DENND1A: variants seen among roughly 807,000 people sequenced by gnomAD.
DENND1A encodes DENN domain-containing protein 1A.
DENND1A carries 51 observed loss-of-function variants against 113.7 expected under a neutral mutation model. That is an observed-to-expected ratio of 0.45 (90% CI 0.36 to 0.57). The LOEUF (loss-of-function observed/expected upper bound fraction) is 0.57, where lower values mean the gene tolerates loss of function less well. Ranked by LOEUF, DENND1A falls within the 20% of genes least tolerant of loss-of-function variation. DENND1A has a pLI of 0.00. For missense variants in DENND1A, 1,258 were observed against 1,395.9 expected, an observed-to-expected ratio of 0.90 and a Z score of 1.57; for synonymous variants, 565 against 570.8, an observed-to-expected ratio of 0.99 and a Z score of 0.14.
chr9:123,473,803 T>C (rs2049649760), intron 13 of DENND1A, among the ~76,000 whole-genome samples: 1 of 152,002 alleles, frequency 6.6e-6, no homozygotes. Flanking sequence ...TAAAAGTCCC[T>C]AAATCTCCGT....
intron 10 of DENND1A, among the ~76,000 whole-genome samples, chr9:123,621,175 G>C (rs2060941909): frequency 6.7e-6 from 1 of 149,346 alleles, no homozygotes; most frequent in African/African-American, 2.5e-5. Context: ...AAAAAATTCA[G>C]TTGAAATTCT....
intron 7 of DENND1A, among the ~76,000 whole-genome samples, chr9:123,668,850 A>G (rs988438532): frequency 1.3e-5 from 2 of 152,222 alleles, no homozygotes; most frequent in Non-Finnish European, 2.9e-5. Context: ...GAGGATTAAA[A>G]CAGGAAAAGT....
At chr9:123,414,948 T>C (rs2044603600) in intron 19 of DENND1A, among the ~76,000 whole-genome samples, 1 of 152,250 alleles carries the variant, frequency 6.6e-6, no homozygotes, top group Admixed American at 6.5e-5. Context: ...TTAAACTTCC[T>C]GGCACATGTA....
rs139621248 is a variant in DENND1A, at chr9:123,618,141, C to T, written c.720-8660G>A. Among the ~76,000 whole-genome samples, 129 of 152,322 alleles carry T rather than the reference C, an allele frequency of 8.5e-4. No individual in the cohort carries two copies. The Middle Eastern group carries it at 0.014, about 16-fold the overall frequency. ...TATGCTGGTGCTGCACATACTGTCC[C>T]TGGTGCCAGCACCTGAAAAAGGCAG... On this transcript the variant is annotated intron_variant, in intron 10 of 23. Coordinates refer to ENST00000394215, the MANE Select transcript of DENND1A (RefSeq NM_001352964.2).
intron 3 of DENND1A, among the ~76,000 whole-genome samples, chr9:123,778,758 C>G (rs953629415): frequency 6.6e-6 from 1 of 151,964 alleles, no homozygotes; most frequent in East Asian, 1.9e-4. Flanking sequence ...TCTGCCAAAC[C>G]CGATCTAGAG....
In DENND1A at chr9:123,461,224, C is replaced by G. The variant is rs530814510; in HGVS notation, c.994-3327G>C. Among the ~76,000 whole-genome samples the G allele has an allele frequency of 1.1e-4, 16 of 152,288 alleles. No homozygotes were observed. The South Asian group carries it at 3.3e-3, about 32-fold the overall frequency. On this transcript the variant is annotated intron_variant, in intron 13 of 23. Transcript: ENST00000394215. Reference sequence around the variant, plus strand: ...AGGCCTCTGAGTGGCAGTCACTCATCCCAGTGCCGTGTGCACTCCTGGGTG... The same window carrying G: ...AGGCCTCTGAGTGGCAGTCACTCATGCCAGTGCCGTGTGCACTCCTGGGTG...
At chr9:123,787,735 T>G (rs539813575) in intron 3 of DENND1A, among the ~76,000 whole-genome samples, 1 of 152,144 alleles carries the variant, frequency 6.6e-6, no homozygotes, top group Admixed American at 6.6e-5. Context: ...TAACTGCCTA[T>G]AGTGAAATTT....
chr9:123,455,619 G>C (rs2132849874), intron 15 of DENND1A, among the ~76,000 whole-genome samples: 1 of 152,314 alleles, frequency 6.6e-6, no homozygotes. Flanking sequence ...ACTGTGAGGG[G>C]CACCAGAACA....
intron 19 of DENND1A, among the ~76,000 whole-genome samples, chr9:123,436,916 T>G (rs1002322791): frequency 1.3e-5 from 2 of 152,014 alleles, no homozygotes; most frequent in African/African-American, 4.8e-5. Flanking sequence ...CCCGGCCAAT[T>G]TTTGTATTTT....
At chr9:123,508,517 A>G (rs2053166233) in intron 13 of DENND1A, among the ~76,000 whole-genome samples, 1 of 152,202 alleles carries the variant, frequency 6.6e-6, no homozygotes, top group Admixed American at 6.5e-5. Context: ...ACTTTTCTTT[A>G]CAATTTTCTT....
At chr9:123,603,183 G>C (rs2060005859) in intron 11 of DENND1A, among the ~76,000 whole-genome samples, 1 of 152,126 alleles carries the variant, frequency 6.6e-6, no homozygotes, top group South Asian at 2.1e-4. Flanking sequence ...AACAAAGCAT[G>C]AAAGACTTTC....
chr9:123,608,970 A>G (rs549011964), intron 11 of DENND1A, among the ~76,000 whole-genome samples: 4 of 152,212 alleles, frequency 2.6e-5, no homozygotes, highest in Non-Finnish European at 5.9e-5. Context: ...TTTAGAGACT[A>G]AAGACCAAGA....
At chr9:123,686,247 G>A (rs536492050) in intron 5 of DENND1A, among the ~76,000 whole-genome samples, 56 of 152,284 alleles carry the variant, frequency 3.7e-4, no homozygotes, top group South Asian at 1.7e-3. Flanking sequence ...AAATTGAGTC[G>A]TAGAGAAATG....
chr9:123,881,286 C>A (rs1848280808), intron 1 of DENND1A, among the ~76,000 whole-genome samples: 1 of 152,062 alleles, frequency 6.6e-6, no homozygotes, highest in Non-Finnish European at 1.5e-5. Flanking sequence ...CATATGGGAC[C>A]AAATATTTGT....
chr9:123,454,611 A>T, intron 16 of DENND1A, 128 bp downstream of exon 16: 1 of 958,028 alleles, frequency 1.0e-6, no homozygotes. Flanking sequence ...GCCTGGCTTT[A>T]CAAACAAAGG....
chr9:123,635,546 A>C (rs2061662298), intron 9 of DENND1A, among the ~76,000 whole-genome samples: 2 of 152,242 alleles, frequency 1.3e-5, no homozygotes, highest in Admixed American at 6.5e-5. Context: ...ATACCTGCTG[A>C]CATTGTTAAA....
At chr9:123,925,165 A>G (rs1856884762) in intron 1 of DENND1A, among the ~76,000 whole-genome samples, 1 of 152,102 alleles carries the variant, frequency 6.6e-6, no homozygotes, top group Non-Finnish European at 1.5e-5. Flanking sequence ...CGTAATTCCC[A>G]ATGTCTAACA....
At chr9:123,474,417 A>C (rs1391557887) in intron 13 of DENND1A, among the ~76,000 whole-genome samples, 2 of 152,308 alleles carry the variant, frequency 1.3e-5, no homozygotes, top group East Asian at 3.9e-4. Context: ...CTGGGATAAA[A>C]ATTTTTAAGC....
intron 21 of DENND1A, chr9:123,400,410 G>C (rs1053436589): frequency 6.6e-5 from 10 of 152,266 alleles, no homozygotes; most frequent in African/African-American, 2.4e-4. Flanking sequence ...CGAATGGACA[G>C]ATGGAATGAT....
Sources: gnomAD v4.1 joint callset for allele counts (sites outside exome capture counted in the v4.1 genomes callset) on GRCh38, gnomAD v4.1.1 for gene constraint, MANE v1.5 for transcripts, NCBI Gene and HGNC (gene_info 2026-07-23, HGNC 2026-07-21) for gene names.